The following TMEM236 variants were observed in gnomAD, a reference collection of about 807,000 sequenced individuals.
The protein encoded by TMEM236 is family with sequence similarity 23, member A.
In TMEM236, 11 loss-of-function variants were observed where a neutral mutation model predicts 14.7. The observed-to-expected ratio is 0.75, with a 90% CI of 0.47 to 1.24. TMEM236 has a LOEUF of 1.24. Among genes scored for constraint, TMEM236 ranks in the 50% most tolerant of loss-of-function variants. The probability of loss-of-function intolerance (pLI) is 0.00; values close to 1 mark genes in which losing one functional copy is unlikely to be tolerated. For missense variants in TMEM236, 464 were observed against 427.3 expected (o/e 1.09, Z -0.76); for synonymous variants, 182 against 168.6 (o/e 1.08, Z -0.62).
rs1380954343 is a variant in TMEM236 at position 17,797,672 on chromosome 10, T to A, written c.*1168T>A. On this transcript the variant is annotated 3_prime_UTR_variant, in exon 4 of 4. Transcript: ENST00000377495. The stretch of plus-strand genomic sequence containing the variant: ...TGGAATTATATTCTTTATTCCATTG[T>A]GGCAAGGGACTTTTATTCAATAAAT... 1.3e-5 allele frequency: 2 copies of A among 152,200 alleles called. No homozygotes were observed. Among genetic ancestry groups the A allele is most frequent in the African/African-American group, 4.8e-5 (2 of 41,470 alleles). 9.4% of individuals were successfully genotyped at this position (152,200 alleles called of 1,614,324 possible).
chr10:17,790,928 C>T (rs1837914778), intron 3 of TMEM236, among the ~76,000 whole-genome samples: 1 of 152,226 alleles, frequency 6.6e-6, no homozygotes, highest in Non-Finnish European at 1.5e-5. Context: ...TACTGCCTCA[C>T]ATTCGCCTCT....
chr10:17,773,582 C>A (rs1003912836), intron 2 of TMEM236, among the ~76,000 whole-genome samples: 74 of 152,280 alleles, frequency 4.9e-4, no homozygotes, highest in African/African-American at 1.7e-3. Context: ...AGGTGATCCA[C>A]CCGCCTCGGC....
rs1838040763 is a variant in TMEM236 at position 17,797,804 on chromosome 10, T to C, written c.*1300T>C. 1 of 152,082 alleles carries C rather than the reference T, an allele frequency of 6.6e-6. No individual in the cohort carries two copies. Among genetic ancestry groups the C allele is most frequent in the African/African-American group, 2.4e-5 (1 of 41,406 alleles). The allele number at this position is 152,082 out of a possible 1,614,324, so 9.4% of individuals were successfully genotyped here. A position where few individuals can be genotyped will look rare whatever the true frequency, so the allele number is the denominator to read the frequency against. Reference sequence around the variant, plus strand: ...CTAATATGAGTGTTGTTTAGTATAATGAAGTCAAGGTACATCAGTAATACC... The same window carrying C: ...CTAATATGAGTGTTGTTTAGTATAACGAAGTCAAGGTACATCAGTAATACC... On this transcript the variant is annotated 3_prime_UTR_variant, in exon 4 of 4. Transcript: ENST00000377495.
chr10:17,760,038 C>G (rs1199508576), intron 1 of TMEM236, among the ~76,000 whole-genome samples: 2 of 150,616 alleles, frequency 1.3e-5, no homozygotes, highest in Non-Finnish European at 3.0e-5. Flanking sequence ...CCTTGAGCAC[C>G]TCACTGCTCC....
intron 1 of TMEM236, among the ~76,000 whole-genome samples, chr10:17,755,028 T>C (rs1184680234): frequency 6.6e-6 from 1 of 151,910 alleles, no homozygotes; most frequent in Non-Finnish European, 1.5e-5. Context: ...AACTTCCGCC[T>C]CCTGGGTTCA....
At chr10:17,779,065 A>G (rs1423876347) in intron 3 of TMEM236, among the ~76,000 whole-genome samples, 2 of 152,176 alleles carry the variant, frequency 1.3e-5, no homozygotes, top group Non-Finnish European at 2.9e-5. Flanking sequence ...AGGAATGCCA[A>G]TCCCCAGTCC....
intron 1 of TMEM236, among the ~76,000 whole-genome samples, chr10:17,757,947 T>C (rs1206547239): frequency 6.6e-6 from 1 of 152,006 alleles, no homozygotes; most frequent in Non-Finnish European, 1.5e-5. Flanking sequence ...TTTTTTATTT[T>C]TAGTAGAGGC....
At position 17,791,195 on chromosome 10, in the gene TMEM236, G is replaced by A. The variant is rs1028651043; in HGVS notation, c.473-4726G>A. The stretch of plus-strand genomic sequence containing the variant: ...ATGCAGTGGCCCATGCCTGTAATTT[G>A]GTGCGTTGGGAGGCTGAGGCAGGAG... On this transcript the variant is annotated intron_variant, in intron 3 of 3. Transcript: ENST00000377495. Among the ~76,000 whole-genome samples, 17 of 151,816 alleles carry A rather than the reference G, an allele frequency of 1.1e-4. No individual in the cohort carries two copies. The East Asian group carries it at 1.4e-3, about 12-fold the overall frequency.
rs955757001 is a variant in TMEM236, at chr10:17,774,076, G to T, written c.331-1953G>T. 2.3e-4 allele frequency among the ~76,000 whole-genome samples: 35 copies of T among 150,958 alleles called. No homozygotes were observed. The East Asian group carries it at 5.7e-3, about 24-fold the overall frequency. On this transcript the variant is annotated intron_variant, in intron 2 of 3. Transcript: ENST00000377495. Reference sequence around the variant, plus strand: ...TTGTTTGTTTTTGAGATGAAGTGTTGCCCTATTGCCCAGGCTGGACTGCAG... The same window carrying T: ...TTGTTTGTTTTTGAGATGAAGTGTTTCCCTATTGCCCAGGCTGGACTGCAG...
Position 17,797,429 on chromosome 10 carries a change from G to A in TMEM236, c.*925G>A, listed in dbSNP as rs1243554707. On this transcript the variant is annotated 3_prime_UTR_variant, in exon 4 of 4. Coordinates refer to ENST00000377495, the MANE Select transcript of TMEM236 (RefSeq NM_001098844.3). ...CTGCCTCAGCCTCCCAAGTAGCTGG[G>A]AATACAGGCACCTGCCACCACGCTG... The A allele has an allele frequency of 6.6e-6, 1 of 152,078 alleles. No homozygotes were observed. The allele number at this position is 152,078 out of a possible 1,614,324, so 9.4% of individuals were successfully genotyped here. A position where few individuals can be genotyped will look rare whatever the true frequency, so the allele number is the denominator to read the frequency against.
chr10:17,752,591 G>C, intron 1 of TMEM236, 39 bp downstream of exon 1: 1 of 1,599,096 alleles, frequency 6.3e-7, no homozygotes, highest in South Asian at 1.1e-5. Flanking sequence ...TTTTGATTTG[G>C]AGTCTCGCTC....
intron 1 of TMEM236, among the ~76,000 whole-genome samples, chr10:17,755,001 C>G (rs1335112241): frequency 6.6e-6 from 1 of 151,862 alleles, no homozygotes; most frequent in African/African-American, 2.4e-5. Context: ...TGCAGTGGCA[C>G]GATCTCAGCT....
In TMEM236 at chr10:17,800,227, G is replaced by A. The variant is rs1307526449; in HGVS notation, c.*3723G>A. 5 of 145,560 alleles carry A rather than the reference G, an allele frequency of 3.4e-5. No homozygotes were observed. The highest frequency in any genetic ancestry group is 7.7e-5 in the African/African-American group (3 of 39,032). 9.0% of individuals were successfully genotyped at this position (145,560 alleles called of 1,614,324 possible). On this transcript the variant is annotated 3_prime_UTR_variant, in exon 4 of 4. Transcript: ENST00000377495. ...AGCCTGGGCAACAGATTGAGACTCT[G>A]TCTCAAAAAAAAAAAAAAGTCAAGT...
chr10:17,785,348 G>A (rs1194643873), intron 3 of TMEM236, among the ~76,000 whole-genome samples: 1 of 152,114 alleles, frequency 6.6e-6, no homozygotes, highest in Non-Finnish European at 1.5e-5. Flanking sequence ...CTCCGCCATA[G>A]ATTATGATGC....
At chr10:17,792,224 A>G (rs1837937046) in intron 3 of TMEM236, among the ~76,000 whole-genome samples, 1 of 152,112 alleles carries the variant, frequency 6.6e-6, no homozygotes, top group Admixed American at 6.6e-5. Context: ...AGTAGCAGGG[A>G]TTACACACGT....
intron 3 of TMEM236, among the ~76,000 whole-genome samples, chr10:17,782,710 C>T (rs1837773299): frequency 1.3e-5 from 2 of 152,090 alleles, no homozygotes; most frequent in Admixed American, 6.6e-5. Flanking sequence ...CCTCACCTCC[C>T]AAAGTGCTGG....
intron 1 of TMEM236, among the ~76,000 whole-genome samples, chr10:17,770,476 C>T (rs1235169499): frequency 3.0e-4 from 46 of 152,176 alleles, no homozygotes; most frequent in Admixed American, 2.7e-3. Context: ...CTCTGCCTCC[C>T]GGGTTCACGC....
intron 1 of TMEM236, among the ~76,000 whole-genome samples, chr10:17,760,529 A>C: frequency 6.6e-6 from 1 of 152,146 alleles, no homozygotes; most frequent in East Asian, 1.9e-4. Context: ...TTTTTCACGT[A>C]GTTTAAGCTA....
Position 17,768,085 on chromosome 10 carries a change from GGTTTTT to G in TMEM236, c.258-3223_258-3218del, listed in dbSNP as rs1359246585. 9.2e-3 allele frequency among the ~76,000 whole-genome samples: 908 copies of G among 98,800 alleles called. 63 individuals carry two copies. Among genetic ancestry groups the G allele is most frequent in the African/African-American group, 0.034 (855 of 24,790 alleles). 64.8% of individuals were successfully genotyped at this position (98,800 alleles called of 152,430 possible). A position where few individuals can be genotyped will look rare whatever the true frequency, so the allele number is the denominator to read the frequency against. On this transcript the variant is annotated intron_variant, in intron 1 of 3. Transcript: ENST00000377495. ...ACCACCACACCTCGCTAATTTTTGTGGTTTTTTTTTTTTTTTTTTTTTTGTAGAGAC... is the reference window on the plus strand; with the variant it reads ...ACCACCACACCTCGCTAATTTTTGTGTTTTTTTTTTTTTTTTTGTAGAGAC...
Sources: allele counts gnomAD v4.1 joint callset (sites outside exome capture counted in the v4.1 genomes callset), GRCh38; gene constraint gnomAD v4.1.1; transcripts MANE v1.5; gene names NCBI Gene and HGNC (gene_info 2026-07-23, HGNC 2026-07-21).